SPIRE1: variants seen among roughly 807,000 people sequenced by gnomAD.
The protein encoded by SPIRE1 is spire type actin nucleation factor 1, also known as protein spire homolog 1.
A neutral mutation model predicts 94.1 loss-of-function variants in SPIRE1; 40 were observed. The ratio of observed to expected loss-of-function variants is 0.43; its 90% CI spans 0.33 to 0.55. SPIRE1 has a LOEUF of 0.55. Among genes scored for constraint, SPIRE1 ranks in the 20% least tolerant of loss-of-function variants. SPIRE1 has a pLI of 0.06. For synonymous variants in SPIRE1, 376 were observed against 371.7 expected, an observed-to-expected ratio of 1.01 and a Z score of -0.13; for missense variants, 838 against 975.2, an observed-to-expected ratio of 0.86 and a Z score of 1.87.
intron 2 of SPIRE1, among the ~76,000 whole-genome samples, chr18:12,627,078 T>G (rs967895707): frequency 6.6e-6 from 1 of 151,954 alleles, no homozygotes; most frequent in Non-Finnish European, 1.5e-5. Flanking sequence ...ATTGTAAAAT[T>G]TTTTTGTTAT....
chr18:12,478,361 G>A (rs2032688918), intron 10 of SPIRE1, among the ~76,000 whole-genome samples: 1 of 150,888 alleles, frequency 6.6e-6, no homozygotes. Context: ...GCTAGGGGAG[G>A]TGTGTATGAA....
chr18:12,599,839 G>T (rs1025402410), intron 2 of SPIRE1, among the ~76,000 whole-genome samples: 1 of 152,154 alleles, frequency 6.6e-6, no homozygotes, highest in African/African-American at 2.4e-5. Flanking sequence ...ACCTCCTGCT[G>T]TTCATGCCCT....
intron 2 of SPIRE1, among the ~76,000 whole-genome samples, chr18:12,583,729 A>C (rs1242081002): frequency 6.6e-6 from 1 of 152,158 alleles, no homozygotes; most frequent in Non-Finnish European, 1.5e-5. Context: ...GTTCAAGATC[A>C]GCCTGAGCAA....
intron 1 of SPIRE1, among the ~76,000 whole-genome samples, chr18:12,657,121 C>A (rs1598594266): frequency 6.6e-6 from 1 of 152,250 alleles, no homozygotes. Context: ...GCGATGCCCT[C>A]CCCACCCCGT....
chr18:12,547,614 TTCTC>T (rs778371881), intron 2 of SPIRE1, among the ~76,000 whole-genome samples: 1 of 152,006 alleles, frequency 6.6e-6, no homozygotes, highest in Admixed American at 6.5e-5. Context: ...AATTTTATTG[TTCTC>T]TCTCTCTCTG....
At chr18:12,569,649 CAA>C (rs1429876077) in intron 2 of SPIRE1, among the ~76,000 whole-genome samples, 1 of 135,344 alleles carries the variant, frequency 7.4e-6, no homozygotes, top group Non-Finnish European at 1.6e-5. Context: ...AAAAAAAAAA[CAA>C]GAGAAAAGAC....
intron 1 of SPIRE1, among the ~76,000 whole-genome samples, chr18:12,644,146 T>G (rs1598577649): frequency 7.1e-6 from 1 of 140,310 alleles, no homozygotes; most frequent in Admixed American, 7.5e-5. Flanking sequence ...TTGCAGTGAG[T>G]TGAGATCGAG....
At position 12,622,115 on chromosome 18, in the gene SPIRE1, A is replaced by T. The variant is rs79963960; in HGVS notation, c.372+12947T>A. On this transcript the variant is annotated intron_variant, in intron 2 of 16. Coordinates refer to ENST00000409402, the MANE Select transcript of SPIRE1 (RefSeq NM_001128626.2). ...TCATACTGACTTCTCTCCACGTCAC[A>T]GGCCAGCTACTCCTTCAGTCACCAG... 8.7e-3 allele frequency among the ~76,000 whole-genome samples: 1,318 copies of T among 152,278 alleles called. 26 individuals carry two copies. The highest frequency in any genetic ancestry group is 0.031 in the African/African-American group (1,271 of 41,574).
chr18:12,482,660 T>C (rs1449678241), intron 9 of SPIRE1, among the ~76,000 whole-genome samples: 3 of 152,168 alleles, frequency 2.0e-5, no homozygotes, highest in African/African-American at 7.2e-5. Context: ...CACTGTCAAA[T>C]GCCAGTGGCT....
intron 6 of SPIRE1, among the ~76,000 whole-genome samples, chr18:12,500,538 T>C (rs2033618537): frequency 6.6e-6 from 1 of 152,160 alleles, no homozygotes; most frequent in Non-Finnish European, 1.5e-5. Flanking sequence ...GCAATTGCTG[T>C]GGAACACGGT....
intron 1 of SPIRE1, among the ~76,000 whole-genome samples, chr18:12,649,996 T>C (rs1023034829): frequency 6.6e-6 from 1 of 152,146 alleles, no homozygotes; most frequent in Non-Finnish European, 1.5e-5. Flanking sequence ...TCCCAGCACT[T>C]TGGGAGACCA....
chr18:12,454,366 T>C lies in SPIRE1; in HGVS notation c.1756A>G (p.Thr586Ala), dbSNP rs1479117993. 3.7e-6 allele frequency: 6 copies of C among 1,614,116 alleles called. No individual in the cohort carries two copies. The highest frequency in any genetic ancestry group is 1.1e-5 in the South Asian group (1 of 91,062). The change falls in exon 13 of 17, where the codon ACC becomes GCC. Residue 586 changes from threonine (T) to alanine (A), a missense_variant. Thr to Ala is a moderately conservative substitution (Grantham distance 58). Around this residue, in one of 2 missense-constraint regions of SPIRE1, gnomAD observed 645 missense variants for 804.7 expected, o/e 0.80. Transcript: ENST00000409402. ...EKYQQYKDIY[T>A]ALKKGKLCFC... is the part of the protein sequence containing the mutation. The stretch of plus-strand genomic sequence containing the variant: ...ACTACCTTTCCTTTTTTCAAGGCGG[T>C]GTAGATGTCTTTATACTGTTGGTAT...
chr18:12,628,605 T>C (rs987537478), intron 2 of SPIRE1, among the ~76,000 whole-genome samples: 2 of 152,210 alleles, frequency 1.3e-5, no homozygotes, highest in Admixed American at 6.5e-5. Context: ...GGTAGCTTGA[T>C]GGGGATGGCA....
intron 12 of SPIRE1, among the ~76,000 whole-genome samples, chr18:12,457,452 AGCGG>A (rs200678613): frequency 0.15 from 22,792 of 152,270 alleles, 3,060 homozygotes; most frequent in African/African-American, 0.35. Flanking sequence ...CCCCAGCTAG[AGCGG>A]GAGCCCTTCC....
chr18:12,454,349 T>C lies in SPIRE1; in HGVS notation c.1773A>G (p.Gly591=), dbSNP rs1352662751. The C allele has an allele frequency of 6.2e-7, 1 of 1,614,118 alleles. No individual in the cohort carries two copies. Reference sequence around the variant, plus strand: ...AATCAACTTTAAACAGCACTACCTTTCCTTTTTTCAAGGCGGTGTAGATGT... The same window carrying C: ...AATCAACTTTAAACAGCACTACCTTCCCTTTTTTCAAGGCGGTGTAGATGT... ...YKDIYTALKK[G]KLCFCCRTRR... is the part of the protein sequence containing the mutation. Residue 591 remains glycine, a synonymous_variant, in exon 13 of 17, where the codon GGA becomes GGG. Coordinates refer to ENST00000409402, the MANE Select transcript of SPIRE1 (RefSeq NM_001128626.2).
At chr18:12,543,661 T>G (rs1026896779) in intron 3 of SPIRE1, among the ~76,000 whole-genome samples, 3 of 152,196 alleles carry the variant, frequency 2.0e-5, no homozygotes, top group Admixed American at 6.5e-5. Context: ...TTAGATTACT[T>G]GAAATAAAAG....
chr18:12,502,755 A>G (rs985945462), intron 6 of SPIRE1, among the ~76,000 whole-genome samples: 1 of 152,176 alleles, frequency 6.6e-6, no homozygotes, highest in Admixed American at 6.5e-5. Flanking sequence ...ACTGGAAACC[A>G]TCAAATATCT....
intron 2 of SPIRE1, among the ~76,000 whole-genome samples, chr18:12,632,904 G>A (rs1005807735): frequency 6.6e-6 from 1 of 152,062 alleles, no homozygotes; most frequent in Non-Finnish European, 1.5e-5. Flanking sequence ...ACTGTGCCTT[G>A]TATGTAAAAT....
chr18:12,563,781 T>C (rs1414393235), intron 2 of SPIRE1, among the ~76,000 whole-genome samples: 1 of 152,096 alleles, frequency 6.6e-6, no homozygotes, highest in Admixed American at 6.6e-5. Flanking sequence ...TAAAGGAATA[T>C]AAAATTATTT....
Sources: gnomAD v4.1 joint callset for allele counts (sites outside exome capture counted in the v4.1 genomes callset) on GRCh38, gnomAD v4.1.1 for gene constraint, gnomAD v4.1.1 regional missense constraint, MANE v1.5 for transcripts, NCBI Gene and HGNC (gene_info 2026-07-23, HGNC 2026-07-21) for gene names.